Variants in RANBP2 observed in about 807,000 individuals in gnomAD.
The protein encoded by RANBP2 is RAN binding protein 2.
A neutral mutation model predicts 303.6 loss-of-function variants in RANBP2; 57 were observed. That is an observed-to-expected ratio of 0.19 (90% confidence interval 0.15 to 0.23). The LOEUF (loss-of-function observed/expected upper bound fraction) is 0.23. Among genes scored for constraint, RANBP2 ranks in the 10% least tolerant of loss-of-function variants. RANBP2 has a pLI of 1.00. For missense variants in RANBP2, 3,138 were observed against 3,780.8 expected (o/e 0.83, Z 4.46); for synonymous variants, 1,167 against 1,301.5 (o/e 0.90, Z 2.23).
chr2:109,124,022 TA>T, the RANBP2 span, among the ~76,000 whole-genome samples: 2 of 150,978 alleles, frequency 1.3e-5, no homozygotes, highest in African/African-American at 4.9e-5. Flanking sequence ...ATTTATTTAT[TA>T]TTTTTTTGAC....
the RANBP2 span, among the ~76,000 whole-genome samples, chr2:109,651,239 T>C: frequency 6.6e-6 from 1 of 152,182 alleles, no homozygotes; most frequent in East Asian, 1.9e-4. Context: ...GAATGTCTTC[T>C]GTGGAAGAAA....
At chr2:109,224,723 G>T in the RANBP2 span, among the ~76,000 whole-genome samples, 7 of 152,140 alleles carry the variant, frequency 4.6e-5, no homozygotes, top group Non-Finnish European at 1.0e-4. Context: ...CCAGCATGGT[G>T]GTGGGCACCT....
At chr2:109,348,319 C>T in the RANBP2 span, among the ~76,000 whole-genome samples, 2 of 152,330 alleles carry the variant, frequency 1.3e-5, no homozygotes, top group South Asian at 4.1e-4. Context: ...TCTTGGGGTC[C>T]TGTGAGAGGG....
intron 6 of RANBP2, among the ~76,000 whole-genome samples, chr2:108,736,907 A>G (rs1420834214): frequency 1.3e-5 from 2 of 151,910 alleles, no homozygotes; most frequent in African/African-American, 2.4e-5. Context: ...GCCTCTGTTT[A>G]TGTATTGTCT....
chr2:109,403,056 C>T, the RANBP2 span, among the ~76,000 whole-genome samples: 2 of 152,250 alleles, frequency 1.3e-5, no homozygotes, highest in South Asian at 2.1e-4. Context: ...AAGGGGCTCT[C>T]GCTGTAATGG....
chr2:108,957,544 C>T, the RANBP2 span, among the ~76,000 whole-genome samples: 3 of 152,240 alleles, frequency 2.0e-5, no homozygotes. Flanking sequence ...TTTCTTCACC[C>T]TCCTCCACTG....
chr2:109,020,112 A>C, the RANBP2 span, among the ~76,000 whole-genome samples: 1 of 152,210 alleles, frequency 6.6e-6, no homozygotes, highest in South Asian at 2.1e-4. Flanking sequence ...GTCTTTTATA[A>C]CACCACTGTT....
the RANBP2 span, among the ~76,000 whole-genome samples, chr2:109,523,553 C>G: frequency 1.3e-5 from 2 of 152,174 alleles, no homozygotes; most frequent in Non-Finnish European, 2.9e-5. Flanking sequence ...GGTAGGTGCC[C>G]CTGCTCCAGC....
At chr2:109,598,869 G>T in the RANBP2 span, among the ~76,000 whole-genome samples, 1 of 151,356 alleles carries the variant, frequency 6.6e-6, no homozygotes, top group Non-Finnish European at 1.5e-5. Flanking sequence ...GACAGAGTGA[G>T]ACTAGGTCTC....
the RANBP2 span, among the ~76,000 whole-genome samples, chr2:109,054,791 AT>A: frequency 2.8e-4 from 42 of 151,414 alleles, no homozygotes; most frequent in South Asian, 7.3e-3. Flanking sequence ...GAGCGTTCCC[AT>A]CACCAGTATG....
the RANBP2 span, among the ~76,000 whole-genome samples, chr2:109,472,058 T>C: frequency 2.0e-5 from 3 of 152,250 alleles, no homozygotes; most frequent in Non-Finnish European, 4.4e-5. Context: ...TTCTGACATC[T>C]CAGCTTCTTT....
At chr2:109,163,864 A>C in the RANBP2 span, among the ~76,000 whole-genome samples, 1 of 152,092 alleles carries the variant, frequency 6.6e-6, no homozygotes, top group South Asian at 2.1e-4. Flanking sequence ...ATTACCAACT[A>C]TTTGTGGTTG....
At chr2:109,094,625 T>G in the RANBP2 span, among the ~76,000 whole-genome samples, 1 of 151,494 alleles carries the variant, frequency 6.6e-6, no homozygotes, top group African/African-American at 2.4e-5. Flanking sequence ...AGGTCAGGAG[T>G]TCAAGACCAG....
At chr2:109,474,948 C>G in the RANBP2 span, among the ~76,000 whole-genome samples, 1 of 152,066 alleles carries the variant, frequency 6.6e-6, no homozygotes, top group Admixed American at 6.5e-5. Context: ...TGTTTTTTGT[C>G]TTTTGTTTTG....
chr2:109,191,715 A>T, the RANBP2 span, among the ~76,000 whole-genome samples: 8 of 152,252 alleles, frequency 5.3e-5, no homozygotes, highest in African/African-American at 1.9e-4. Context: ...TTTCTCCTTG[A>T]GGTGCTGATG....
the RANBP2 span, among the ~76,000 whole-genome samples, chr2:109,685,773 T>C: frequency 0.05 from 7,534 of 152,046 alleles, 559 homozygotes; most frequent in African/African-American, 0.16. Flanking sequence ...TATATGAAGG[T>C]CACAAAACAA....
chr2:109,266,852 A>G, the RANBP2 span, among the ~76,000 whole-genome samples: 2 of 152,196 alleles, frequency 1.3e-5, no homozygotes, highest in Admixed American at 1.3e-4. Context: ...CCAAATATTC[A>G]GAGCTGGAGA....
At chr2:108,933,511 C>T in the RANBP2 span, among the ~76,000 whole-genome samples, 1 of 152,136 alleles carries the variant, frequency 6.6e-6, no homozygotes, top group East Asian at 1.9e-4. Context: ...GCTGTTGGCC[C>T]AGTCACCTTG....
the RANBP2 span, among the ~76,000 whole-genome samples, chr2:109,656,592 G>A: frequency 2.0e-4 from 30 of 152,186 alleles, no homozygotes; most frequent in African/African-American, 6.3e-4. Context: ...CACCCTCCTC[G>A]GCCTCCCAAA....
Sources: allele counts gnomAD v4.1 joint callset (sites outside exome capture counted in the v4.1 genomes callset), GRCh38; gene constraint gnomAD v4.1.1; transcripts MANE v1.5; gene names NCBI Gene and HGNC (gene_info 2026-07-23, HGNC 2026-07-21).